ANAPC1: variants seen among roughly 807,000 people sequenced by gnomAD.
ANAPC1 encodes the protein anaphase promoting complex subunit 1.
ANAPC1 carries 36 observed loss-of-function variants against 208.0 expected under a neutral mutation model. That is an observed-to-expected ratio of 0.17 (90% confidence interval 0.13 to 0.23). The LOEUF (loss-of-function observed/expected upper bound fraction) is 0.23, where lower values mean the gene tolerates loss of function less well. Among genes scored for constraint, ANAPC1 ranks in the 10% least tolerant of loss-of-function variants. The pLI is 1.00. For synonymous variants in ANAPC1, 378 were observed against 695.2 expected, an observed-to-expected ratio of 0.54 and a Z score of 7.18; for missense variants, 942 against 2,011.6, an observed-to-expected ratio of 0.47 and a Z score of 10.17.
At chr2:111,799,182 A>G (rs1291177335) in intron 34 of ANAPC1, among the ~76,000 whole-genome samples, 1 of 152,286 alleles carries the variant, frequency 6.6e-6, no homozygotes, top group African/African-American at 2.4e-5. Flanking sequence ...ATGGAGGACC[A>G]ATAAACCAAT....
At chr2:111,795,017 A>G (rs879127855) in intron 34 of ANAPC1, 123 bp from the exon 35 acceptor site, 1 of 1,152,714 alleles carries the variant, frequency 8.7e-7, no homozygotes, top group Non-Finnish European at 1.2e-6. Context: ...TTACCAAACC[A>G]TTTCACTCAA....
At chr2:111,848,091 T>C (rs1179224211) in intron 14 of ANAPC1, among the ~76,000 whole-genome samples, 4 of 151,874 alleles carry the variant, frequency 2.6e-5, no homozygotes, top group Non-Finnish European at 5.9e-5. Flanking sequence ...GAGGCTGTAG[T>C]GAGCCTGTGA....
At chr2:111,792,580 C>T in intron 37 of ANAPC1, 25 bp from the exon 38 acceptor site, 3 of 1,602,152 alleles carry the variant, frequency 1.9e-6, no homozygotes, top group Non-Finnish European at 2.6e-6. Context: ...GATGACATCA[C>T]TGTAACTGTT....
intron 3 of ANAPC1, among the ~76,000 whole-genome samples, chr2:111,878,092 T>G (rs1306612723): frequency 6.6e-6 from 1 of 152,216 alleles, no homozygotes; most frequent in African/African-American, 2.4e-5. Context: ...CATTTGTTCC[T>G]TCACATTTAC....
chr2:111,844,469 T>C (rs1680940685), intron 16 of ANAPC1, among the ~76,000 whole-genome samples: 2 of 151,072 alleles, frequency 1.3e-5, no homozygotes, highest in South Asian at 4.2e-4. Flanking sequence ...CTCAGGAGGC[T>C]GAGGCAGGAG....
At position 111,856,619 on chromosome 2, in the gene ANAPC1, C is replaced by A; in HGVS notation, c.1510G>T (p.Val504Phe). 4 of 1,613,776 alleles carry A rather than the reference C, an allele frequency of 2.5e-6. No homozygotes were observed. The Middle Eastern group carries it at 6.6e-4, about 267-fold the overall frequency. ...SGNLVLYTGV[V>F]RVGKVFIPGL... ...AAGTGCTACTTATTGCTTACCCGAACCACTCCTGTGTATAGCACCAGGTTT... is the reference window on the plus strand; with the variant it reads ...AAGTGCTACTTATTGCTTACCCGAAACACTCCTGTGTATAGCACCAGGTTT... The change falls in exon 13 of 48, where the codon GTT becomes TTT. Residue 504 changes from valine to phenylalanine, a missense_variant. Val to Phe is a conservative substitution (Grantham distance 50). Coordinates refer to ENST00000341068, the MANE Select transcript of ANAPC1 (RefSeq NM_022662.4).
chr2:111,813,710 ACCT>A (rs1310133008), intron 28 of ANAPC1, among the ~76,000 whole-genome samples: 1 of 152,042 alleles, frequency 6.6e-6, no homozygotes, highest in Non-Finnish European at 1.5e-5. Flanking sequence ...CAGGATCTCC[ACCT>A]CCTCAATGAG....
In ANAPC1 at chr2:111,783,978, C is replaced by T. The variant is rs557338993; in HGVS notation, c.4996-14G>A. On this transcript the variant is annotated splice_polypyrimidine_tract_variant and intron_variant, in intron 41 of 47. Coordinates refer to ENST00000341068, the MANE Select transcript of ANAPC1 (RefSeq NM_022662.4). The stretch of plus-strand genomic sequence containing the variant: ...TTTTACTTTAATCTGTCAAGATAAA[C>T]GTAAACATAGTCAACCCAAAGCTGA... 1.7e-4 allele frequency: 120 copies of T among 722,310 alleles called. No homozygotes were observed. The South Asian group carries it at 1.8e-3, about 11-fold the overall frequency. The allele number at this position is 722,310 out of a possible 1,614,324, so 44.7% of individuals were successfully genotyped here.
chr2:111,833,122 G>A (rs992388777), intron 20 of ANAPC1, 98 bp downstream of exon 20: 2 of 1,420,784 alleles, frequency 1.4e-6, no homozygotes, highest in Non-Finnish European at 1.9e-6. Flanking sequence ...TGACTTAGAA[G>A]CTAATGGTAA....
rs187979371 is a variant in ANAPC1 at position 111,848,539 on chromosome 2, G to A, written c.1651-674C>T. 5.7e-3 allele frequency among the ~76,000 whole-genome samples: 868 copies of A among 152,250 alleles called. 13 individuals are homozygous for A. Among genetic ancestry groups the A allele is most frequent in the African/African-American group, 0.02 (837 of 41,546 alleles). On this transcript the variant is annotated intron_variant, in intron 14 of 47. Transcript: ENST00000341068. ...TGCCTATAATCCCAGCACCTTGGGA[G>A]GCTGAGGCGGGTGGATCACTTGAGG...
At chr2:111,769,949 T>C (rs1676640457) in intron 47 of ANAPC1, among the ~76,000 whole-genome samples, 1 of 151,976 alleles carries the variant, frequency 6.6e-6, no homozygotes, top group Non-Finnish European at 1.5e-5. Flanking sequence ...CCCAAAGTGC[T>C]GGGATTACAG....
At chr2:111,847,233 T>A in intron 15 of ANAPC1, 35 bp from the exon 16 acceptor site, 1 of 1,545,912 alleles carries the variant, frequency 6.5e-7, no homozygotes, top group Non-Finnish European at 8.9e-7. Flanking sequence ...AGATAAAATC[T>A]GTGCATTCTA....
intron 46 of ANAPC1, among the ~76,000 whole-genome samples, chr2:111,774,143 A>T (rs1676887954): frequency 6.6e-6 from 1 of 152,208 alleles, no homozygotes; most frequent in Admixed American, 6.5e-5. Flanking sequence ...TGGGTCAGCT[A>T]TTGCAGAGAA....
chr2:111,858,825 T>C (rs1681891123), intron 10 of ANAPC1, among the ~76,000 whole-genome samples: 1 of 151,434 alleles, frequency 6.6e-6, no homozygotes. Flanking sequence ...AAAAACTACT[T>C]AGGTCAAGCA....
intron 17 of ANAPC1, 50 bp downstream of exon 17, chr2:111,843,362 C>G (rs577169769): frequency 1.4e-4 from 216 of 1,587,776 alleles, no homozygotes; most frequent in Non-Finnish European, 1.7e-4. Context: ...AATTATGCAA[C>G]CATTACATTA....
At chr2:111,773,573 T>C (rs997005840) in intron 46 of ANAPC1, among the ~76,000 whole-genome samples, 2 of 151,972 alleles carry the variant, frequency 1.3e-5, no homozygotes, top group African/African-American at 4.8e-5. Context: ...GTAGAGAGCA[T>C]GAGCGGGCAG....
At chr2:111,826,012 G>A (rs962576330) in intron 21 of ANAPC1, among the ~76,000 whole-genome samples, 157 bp from the exon 22 acceptor site, 4 of 152,110 alleles carry the variant, frequency 2.6e-5, no homozygotes, top group African/African-American at 9.7e-5. Context: ...GAGTAGCTAG[G>A]ACTATAGGCA....
intron 21 of ANAPC1, among the ~76,000 whole-genome samples, chr2:111,827,491 T>A (rs1679899294): frequency 6.6e-6 from 1 of 152,114 alleles, no homozygotes; most frequent in Non-Finnish European, 1.5e-5. Context: ...AGAAGGTTAC[T>A]ACAAATGTCT....
At chr2:111,879,581 C>T (rs954629136) in intron 2 of ANAPC1, among the ~76,000 whole-genome samples, 15 of 152,322 alleles carry the variant, frequency 9.8e-5, no homozygotes, top group Admixed American at 8.5e-4. Context: ...TACTTAAGAA[C>T]TATTACTCGC....
Sources: gnomAD v4.1 joint callset for allele counts (sites outside exome capture counted in the v4.1 genomes callset) on GRCh38, gnomAD v4.1.1 for gene constraint, MANE v1.5 for transcripts, NCBI Gene and HGNC (gene_info 2026-07-23, HGNC 2026-07-21) for gene names.